Variants in GSK3B observed in about 807,000 individuals in gnomAD.
The protein encoded by GSK3B is glycogen synthase kinase-3 beta.
In GSK3B, 15 loss-of-function variants were observed where a neutral mutation model predicts 56.4. The observed-to-expected ratio is 0.27, with a 90% CI of 0.18 to 0.41. The LOEUF (loss-of-function observed/expected upper bound fraction) is 0.41. GSK3B is among the 10% of genes least tolerant of loss of function. The probability of loss-of-function intolerance (pLI) is 1.00; values close to 1 mark genes in which losing one functional copy is unlikely to be tolerated. For missense variants in GSK3B, 300 were observed against 513.4 expected (o/e 0.58, Z 4.02); for synonymous variants, 181 against 188.9 (o/e 0.96, Z 0.34).
At chr3:119,891,416 TTTAGGTTTTATATTA>T (rs1283525645) in intron 7 of GSK3B, among the ~76,000 whole-genome samples, 1 of 152,094 alleles carries the variant, frequency 6.6e-6, no homozygotes, top group Non-Finnish European at 1.5e-5. Context: ...TGAGTATATC[TTTAGGTTTTATATTA>T]AGTTTTTATT....
At chr3:119,943,309 C>T (rs951185883) in intron 3 of GSK3B, among the ~76,000 whole-genome samples, 16 of 152,052 alleles carry the variant, frequency 1.1e-4, no homozygotes, top group Non-Finnish European at 1.9e-4. Context: ...CACAGGGTAG[C>T]TTAGCTACAA....
intron 8 of GSK3B, among the ~76,000 whole-genome samples, chr3:119,869,451 G>T (rs1396568819): frequency 6.6e-6 from 1 of 152,086 alleles, no homozygotes; most frequent in Non-Finnish European, 1.5e-5. Context: ...ACTGAATTCA[G>T]CTCAAGTCTA....
intron 3 of GSK3B, among the ~76,000 whole-genome samples, chr3:119,933,749 C>T (rs1275868507): frequency 2.0e-5 from 3 of 152,094 alleles, no homozygotes; most frequent in Non-Finnish European, 2.9e-5. Context: ...TGGTGGCAGA[C>T]GCCTGTAATC....
At position 119,967,650 on chromosome 3, in the gene GSK3B, G is replaced by C. The variant is rs368105341; in HGVS notation, c.283-20299C>G. Among the ~76,000 whole-genome samples the C allele has an allele frequency of 5.9e-5, 9 of 152,258 alleles. No homozygotes were observed. In the East Asian group the frequency reaches 7.7e-4, roughly 13 times the overall value. ...AACACAATTCTATAACAAAAGAATA[G>C]ATTTTTCAACAAATGAAGCTTTGGA... On this transcript the variant is annotated intron_variant, in intron 2 of 10. Transcript: ENST00000264235.
At chr3:119,958,164 CCCA>C (rs2057232624) in intron 2 of GSK3B, among the ~76,000 whole-genome samples, 1 of 152,124 alleles carries the variant, frequency 6.6e-6, no homozygotes, top group Non-Finnish European at 1.5e-5. Flanking sequence ...GACTCTCTCT[CCCA>C]CCACCTTGTG....
intron 1 of GSK3B, among the ~76,000 whole-genome samples, chr3:120,070,474 A>C (rs1201107392): frequency 6.6e-6 from 1 of 152,138 alleles, no homozygotes; most frequent in Non-Finnish European, 1.5e-5. Context: ...CAATGAAGCT[A>C]TAAAAAGTTA....
chr3:120,028,834 C>T lies in GSK3B; in HGVS notation c.89-26595G>A, dbSNP rs140245567. 33 of 433,686 alleles carry T rather than the reference C, an allele frequency of 7.6e-5. No individual in the cohort carries two copies. In the East Asian group the frequency reaches 1.8e-3, roughly 24 times the overall value. The allele number at this position is 433,686 out of a possible 1,614,324, so 26.9% of individuals were successfully genotyped here. A position where few individuals can be genotyped will look rare whatever the true frequency, so the allele number is the denominator to read the frequency against. The stretch of plus-strand genomic sequence containing the variant: ...CGCAGCTGCAAGGAACTCACTGAGG[C>T]CCTAGCCCCGCCACGGCTGCTCAGA... On this transcript the variant is annotated intron_variant, in intron 1 of 10. Transcript: ENST00000264235.
chr3:119,964,657 G>C (rs1033371316), intron 2 of GSK3B, among the ~76,000 whole-genome samples: 12 of 152,122 alleles, frequency 7.9e-5, no homozygotes, highest in Admixed American at 7.9e-4. Flanking sequence ...TACAAGATAA[G>C]TAAGTTACAG....
At chr3:119,909,337 TTC>T (rs1216715256) in intron 6 of GSK3B, among the ~76,000 whole-genome samples, 7 of 152,178 alleles carry the variant, frequency 4.6e-5, no homozygotes, top group African/African-American at 1.7e-4. Flanking sequence ...TGTTTTGGTT[TTC>T]TGTTACTGTG....
intron 3 of GSK3B, among the ~76,000 whole-genome samples, chr3:119,933,162 AAATGCTC>A (rs1345916791): frequency 6.6e-6 from 1 of 152,212 alleles, no homozygotes; most frequent in Non-Finnish European, 1.5e-5. Context: ...AACTGTAGAA[AAATGCTC>A]AGCCTCACTC....
intron 1 of GSK3B, among the ~76,000 whole-genome samples, chr3:120,021,721 A>G (rs2057880055): frequency 6.6e-6 from 1 of 152,210 alleles, no homozygotes; most frequent in Non-Finnish European, 1.5e-5. Context: ...AAACTTGAAC[A>G]GATGAGGAGC....
At chr3:120,069,665 G>GAA (rs5852231) in intron 1 of GSK3B, among the ~76,000 whole-genome samples, 3,811 of 140,862 alleles carry the variant, frequency 0.027, 178 homozygotes, top group African/African-American at 0.09. Context: ...ACAGTTTTTG[G>GAA]AAAAAAAAAA....
At chr3:120,001,885 C>G (rs1392639947) in intron 2 of GSK3B, among the ~76,000 whole-genome samples, 161 bp downstream of exon 2, 1 of 152,020 alleles carries the variant, frequency 6.6e-6, no homozygotes, top group Non-Finnish European at 1.5e-5. Flanking sequence ...GTTATCTCTA[C>G]AAAATACATG....
chr3:119,940,110 T>TGTGTGTG (rs572334273), intron 3 of GSK3B, among the ~76,000 whole-genome samples: 137 of 149,048 alleles, frequency 9.2e-4, no homozygotes, highest in East Asian at 3.9e-3. Context: ...GTGTGTGTGT[T>TGTGTGTG]TGTGTGTGTG....
intron 2 of GSK3B, among the ~76,000 whole-genome samples, chr3:119,969,362 A>G (rs1211346976): frequency 6.6e-6 from 1 of 152,202 alleles, no homozygotes; most frequent in Non-Finnish European, 1.5e-5. Context: ...AGGTCTAAAT[A>G]AATGGAAACT....
intron 1 of GSK3B, among the ~76,000 whole-genome samples, chr3:120,007,219 G>A (rs1368504230): frequency 1.3e-5 from 2 of 152,112 alleles, no homozygotes; most frequent in South Asian, 2.1e-4. Context: ...CCAGGAAGTC[G>A]AATCTCTGAA....
chr3:119,938,335 A>C (rs1447438890), intron 3 of GSK3B, among the ~76,000 whole-genome samples: 1 of 152,132 alleles, frequency 6.6e-6, no homozygotes, highest in Non-Finnish European at 1.5e-5. Flanking sequence ...AAGAAAAATT[A>C]CCAACCAATA....
rs370062004 is a variant in GSK3B, at chr3:119,923,369, A to G, written c.477+4T>C. The G allele has an allele frequency of 1.9e-5, 27 of 1,447,988 alleles. 1 individual carries two copies. The African/African-American group carries it at 2.0e-4, about 10-fold the overall frequency. The allele number at this position is 1,447,988 out of a possible 1,614,324, so 89.7% of individuals were successfully genotyped here. On this transcript the variant is annotated splice_donor_region_variant and intron_variant, in intron 4 of 10. Coordinates refer to ENST00000264235, the MANE Select transcript of GSK3B (RefSeq NM_001146156.2). ...AAATGGAAAATTGTTATGTTTTTACATACCTTGACATAAATCACAGGGAGC... is the reference window on the plus strand; with the variant it reads ...AAATGGAAAATTGTTATGTTTTTACGTACCTTGACATAAATCACAGGGAGC...
At chr3:119,899,098 T>C (rs2056600818) in intron 7 of GSK3B, among the ~76,000 whole-genome samples, 1 of 151,994 alleles carries the variant, frequency 6.6e-6, no homozygotes. Flanking sequence ...CATAATAATG[T>C]CCATGGCTGG....
Sources: gnomAD v4.1 joint callset for allele counts (sites outside exome capture counted in the v4.1 genomes callset) on GRCh38, gnomAD v4.1.1 for gene constraint, MANE v1.5 for transcripts, NCBI Gene and HGNC (gene_info 2026-07-23, HGNC 2026-07-21) for gene names.